Variants in KIAA1549L observed in about 807,000 individuals in gnomAD.
KIAA1549L encodes the protein UPF0606 protein KIAA1549L.
Under a neutral mutation model 160.7 loss-of-function variants are expected in KIAA1549L, and 88 were observed. The ratio of observed to expected loss-of-function variants is 0.55; its 90% CI spans 0.46 to 0.65. The LOEUF is 0.65. Ranked by LOEUF, KIAA1549L falls within the 30% of genes least tolerant of loss-of-function variation. The pLI is 0.00. For missense variants in KIAA1549L, 2,258 were observed against 2,437.5 expected, an observed-to-expected ratio of 0.93 and a Z score of 1.55; for synonymous variants, 950 against 976.7, an observed-to-expected ratio of 0.97 and a Z score of 0.51.
At chr11:33,378,592 C>A (rs772764989) in intron 1 of KIAA1549L, among the ~76,000 whole-genome samples, 9 of 152,184 alleles carry the variant, frequency 5.9e-5, no homozygotes, top group African/African-American at 9.7e-5. Context: ...TGATGTTCCT[C>A]CCCAGAGTCC....
chr11:33,544,744 CTTTG>C lies in KIAA1549L; in HGVS notation c.2774-19_2774-16del, dbSNP rs535384621. The stretch of plus-strand genomic sequence containing the variant: ...ACGTGCATTCCAAGCCAATGACAAA[CTTTG>C]TTTTTTCTCTCTTTACAGCGGACAC... On this transcript the variant is annotated intron_variant, in intron 2 of 20. Transcript: ENST00000658780. 9.2e-5 allele frequency: 144 copies of C among 1,557,400 alleles called. No homozygotes were observed. Among genetic ancestry groups the C allele is most frequent in the Admixed American group, 4.7e-4 (25 of 52,846 alleles).
intron 1 of KIAA1549L, among the ~76,000 whole-genome samples, chr11:33,398,119 G>T (rs937362536): frequency 1.3e-5 from 2 of 150,994 alleles, no homozygotes; most frequent in Non-Finnish European, 3.0e-5. Flanking sequence ...ACGGGGTTTC[G>T]CCATGTAGGC....
At chr11:33,607,414 C>T (rs1045894312) in intron 14 of KIAA1549L, among the ~76,000 whole-genome samples, 1 of 152,086 alleles carries the variant, frequency 6.6e-6, no homozygotes, top group Admixed American at 6.5e-5. Flanking sequence ...ATGATTTCAT[C>T]AAAGAAAATT....
chr11:33,544,644 C>A, intron 2 of KIAA1549L, 123 bp from the exon 3 acceptor site: 1 of 1,318,654 alleles, frequency 7.6e-7, no homozygotes, highest in Non-Finnish European at 1.0e-6. Context: ...GTTCTGTCCA[C>A]TGCAAGCCCA....
At chr11:33,642,561 T>G (rs1391979930) in intron 16 of KIAA1549L, among the ~76,000 whole-genome samples, 2 of 147,856 alleles carry the variant, frequency 1.4e-5, no homozygotes, top group African/African-American at 5.0e-5. Flanking sequence ...TAATTCCGAT[T>G]GGCTGATTTA....
intron 1 of KIAA1549L, among the ~76,000 whole-genome samples, chr11:33,388,494 C>A (rs1378913485): frequency 6.6e-6 from 1 of 152,162 alleles, no homozygotes; most frequent in Non-Finnish European, 1.5e-5. Flanking sequence ...TGCTGTCAGT[C>A]AAGTGTGATG....
chr11:33,396,521 A>T (rs1014142872), intron 1 of KIAA1549L, among the ~76,000 whole-genome samples: 8 of 152,202 alleles, frequency 5.3e-5, no homozygotes, highest in African/African-American at 1.9e-4. Flanking sequence ...AGAAAGTCTG[A>T]CTTGACGGGG....
At position 33,670,199 on chromosome 11, in the gene KIAA1549L, C is replaced by CA. The variant is rs1852625530; in HGVS notation, c.*2047dup. ...TATCAATAATAATATTTCATTAGTG[C>CA]AATGATATCAACCAGTACTTTGTCT... On this transcript the variant is annotated 3_prime_UTR_variant, in exon 21 of 21. Coordinates refer to ENST00000658780, the MANE Select transcript of KIAA1549L (RefSeq NM_012194.3). 3 of 152,180 alleles carry CA rather than the reference C, an allele frequency of 2.0e-5. No homozygotes were observed. In the South Asian group the frequency reaches 6.2e-4, roughly 31 times the overall value. The allele number at this position is 152,180 out of a possible 1,614,324, so 9.4% of individuals were successfully genotyped here. A position where few individuals can be genotyped will look rare whatever the true frequency, so the allele number is the denominator to read the frequency against.
At chr11:33,412,324 T>C (rs1850800684) in intron 1 of KIAA1549L, among the ~76,000 whole-genome samples, 1 of 152,240 alleles carries the variant, frequency 6.6e-6, no homozygotes, top group Non-Finnish European at 1.5e-5. Context: ...GGGTATTATA[T>C]GAATGACTCC....
intron 1 of KIAA1549L, among the ~76,000 whole-genome samples, chr11:33,436,345 A>G (rs1232144617): frequency 6.6e-6 from 1 of 152,234 alleles, no homozygotes; most frequent in Non-Finnish European, 1.5e-5. Flanking sequence ...AGCCAATGGT[A>G]TAATTTCCAG....
At chr11:33,413,348 A>C (rs2134090510) in intron 1 of KIAA1549L, among the ~76,000 whole-genome samples, 1 of 150,220 alleles carries the variant, frequency 6.7e-6, no homozygotes, top group South Asian at 2.1e-4. Flanking sequence ...CCAAGGTGTG[A>C]GGATTGTTTG....
chr11:33,564,600 A>G (rs1156709242), intron 8 of KIAA1549L, among the ~76,000 whole-genome samples: 7 of 152,152 alleles, frequency 4.6e-5, no homozygotes, highest in Non-Finnish European at 8.8e-5. Flanking sequence ...CAGATTCAAT[A>G]TTGCTGCCAG....
intron 1 of KIAA1549L, among the ~76,000 whole-genome samples, chr11:33,520,001 A>G (rs1302432548): frequency 1.3e-5 from 2 of 151,228 alleles, no homozygotes; most frequent in East Asian, 3.9e-4. Context: ...AAAGTTGCAG[A>G]TATTGAATGT....
intron 1 of KIAA1549L, among the ~76,000 whole-genome samples, chr11:33,475,472 G>A (rs1238873241): frequency 1.3e-5 from 2 of 151,628 alleles, no homozygotes; most frequent in South Asian, 2.1e-4. Context: ...TGGGAGGATC[G>A]TTTGAGCCCA....
intron 1 of KIAA1549L, among the ~76,000 whole-genome samples, chr11:33,432,027 G>A (rs1472750183): frequency 1.1e-4 from 16 of 152,338 alleles, no homozygotes; most frequent in Admixed American, 9.1e-4. Flanking sequence ...ATGGCAGGCC[G>A]GCTGCTCCGA....
At chr11:33,484,392 A>G (rs7951158) in intron 1 of KIAA1549L, among the ~76,000 whole-genome samples, 2 of 152,210 alleles carry the variant, frequency 1.3e-5, no homozygotes, top group Non-Finnish European at 2.9e-5. Flanking sequence ...GCATTCTTCA[A>G]TTCTGTTGTG....
At chr11:33,455,047 C>T (rs961475970) in intron 1 of KIAA1549L, among the ~76,000 whole-genome samples, 7 of 152,292 alleles carry the variant, frequency 4.6e-5, no homozygotes, top group Admixed American at 4.6e-4. Context: ...CGAGATTGCG[C>T]CACTGCACTC....
chr11:33,616,046 C>T (rs368301251), intron 15 of KIAA1549L, among the ~76,000 whole-genome samples: 10 of 152,074 alleles, frequency 6.6e-5, no homozygotes, highest in Non-Finnish European at 1.5e-4. Context: ...TTGTGAGTGC[C>T]GTTATTAGAG....
intron 1 of KIAA1549L, among the ~76,000 whole-genome samples, chr11:33,520,795 G>A (rs1056187100): frequency 2.0e-5 from 3 of 150,280 alleles, no homozygotes; most frequent in Admixed American, 1.3e-4. Context: ...TCTTGGTTGG[G>A]TGAAAACTTT....
Sources: allele counts gnomAD v4.1 joint callset (sites outside exome capture counted in the v4.1 genomes callset), GRCh38; gene constraint gnomAD v4.1.1; transcripts MANE v1.5; gene names NCBI Gene and HGNC (gene_info 2026-07-23, HGNC 2026-07-21).